The following SGCD variants were observed in gnomAD, a reference collection of about 807,000 sequenced individuals.
SGCD encodes sarcoglycan delta, also known as delta-sarcoglycan.
In SGCD, 18 loss-of-function variants were observed where a neutral mutation model predicts 36.6. That is an observed-to-expected ratio of 0.49 (90% confidence interval 0.34 to 0.73). SGCD has a LOEUF of 0.73. SGCD is among the 30% of genes least tolerant of loss of function. SGCD has a pLI of 0.01. For synonymous variants in SGCD, 133 were observed against 130.6 expected (o/e 1.02, Z -0.12); for missense variants, 387 against 346.7 (o/e 1.12, Z -0.92).
Position 156,721,645 on chromosome 5 carries a change from G to A in SGCD, c.576-35936G>A, listed in dbSNP as rs1359575122. On this transcript the variant is annotated intron_variant, in intron 7 of 8. Coordinates refer to ENST00000337851, the MANE Select transcript of SGCD (RefSeq NM_000337.6). ...ACATCTGCATGCAGATTAGAGTGAAGCAAGAGAGAAAGAAAAATTGATGAT... is the reference window on the plus strand; with the variant it reads ...ACATCTGCATGCAGATTAGAGTGAAACAAGAGAGAAAGAAAAATTGATGAT... 2.0e-5 allele frequency among the ~76,000 whole-genome samples: 3 copies of A among 152,150 alleles called. No homozygotes were observed. The East Asian group carries it at 5.8e-4, about 29-fold the overall frequency.
intron 1 of SGCD, among the ~76,000 whole-genome samples, chr5:155,924,153 A>C (rs796353438): frequency 1.4e-4 from 21 of 152,328 alleles, no homozygotes; most frequent in African/African-American, 5.1e-4. Flanking sequence ...TTGATATAGA[A>C]AGAAAACATA....
intron 3 of SGCD, among the ~76,000 whole-genome samples, chr5:156,189,300 T>A (rs570418499): frequency 2.0e-5 from 3 of 152,244 alleles, no homozygotes; most frequent in African/African-American, 7.2e-5. Context: ...GAGGAAAATC[T>A]AAAGGCAAAT....
intron 3 of SGCD, chr5:156,393,707 A>G: frequency 2.2e-6 from 1 of 456,128 alleles, no homozygotes; most frequent in Non-Finnish European, 4.4e-6. Context: ...CCATTGGTAC[A>G]TAGTTACTAA....
At chr5:155,791,960 A>G in the SGCD span, among the ~76,000 whole-genome samples, 310 of 152,302 alleles carry the variant, frequency 2.0e-3, 2 homozygotes, top group African/African-American at 7.0e-3. Flanking sequence ...AACAATCCTC[A>G]GCAATAAGAA....
chr5:156,381,304 A>G (rs1020807908), intron 3 of SGCD, among the ~76,000 whole-genome samples: 2 of 152,242 alleles, frequency 1.3e-5, no homozygotes, highest in Non-Finnish European at 2.9e-5. Flanking sequence ...CAACTCACAG[A>G]TAAAAGGAAA....
At chr5:156,133,569 C>T (rs1337118066) in intron 3 of SGCD, among the ~76,000 whole-genome samples, 1 of 152,114 alleles carries the variant, frequency 6.6e-6, no homozygotes, top group African/African-American at 2.4e-5. Context: ...CCTTAAAATG[C>T]ATGTAATGGG....
chr5:156,651,190 T>A (rs542537084), intron 7 of SGCD, among the ~76,000 whole-genome samples: 90 of 152,242 alleles, frequency 5.9e-4, no homozygotes, highest in African/African-American at 2.1e-3. Context: ...ATAACATATC[T>A]TTGTCAGATA....
In SGCD at chr5:156,763,020, G is replaced by A. The variant is rs1757525317; in HGVS notation, c.*3630G>A. 2.0e-5 allele frequency: 3 copies of A among 152,686 alleles called. No homozygotes were observed. In the South Asian group the frequency reaches 6.2e-4, roughly 32 times the overall value. 9.5% of individuals were successfully genotyped at this position (152,686 alleles called of 1,614,324 possible). On this transcript the variant is annotated 3_prime_UTR_variant, in exon 9 of 9. Coordinates refer to ENST00000337851, the MANE Select transcript of SGCD (RefSeq NM_000337.6). ...GGAAGTAATTGATCCACCTGCCAGA[G>A]AAACACAGGCTCAGAGGATGCCTGG...
chr5:156,189,583 G>T (rs1279224062), intron 3 of SGCD, among the ~76,000 whole-genome samples: 3 of 151,778 alleles, frequency 2.0e-5, no homozygotes, highest in Non-Finnish European at 4.4e-5. Context: ...GGGGACCTCG[G>T]CCAAAGGCTT....
chr5:156,361,055 CCTCTGGGGCTTCGGGGT>C (rs1487849492), intron 3 of SGCD, among the ~76,000 whole-genome samples: 2 of 152,152 alleles, frequency 1.3e-5, no homozygotes, highest in Non-Finnish European at 2.9e-5. Context: ...GCTGTAAGCC[CCTCTGGGGCTTCGGGGT>C]CATGGGCACC....
chr5:156,375,502 TG>T (rs1261663273), intron 3 of SGCD, among the ~76,000 whole-genome samples: 1 of 148,496 alleles, frequency 6.7e-6, no homozygotes, highest in African/African-American at 2.5e-5. Context: ...AATGTGAGAG[TG>T]AGAAGGATGG....
the SGCD span, among the ~76,000 whole-genome samples, chr5:155,753,874 A>T: frequency 6.6e-6 from 1 of 152,006 alleles, no homozygotes; most frequent in Admixed American, 6.5e-5. Flanking sequence ...CCAAATGTGC[A>T]TGTTTTTTGA....
chr5:156,085,220 A>G (rs140627001), intron 1 of SGCD, among the ~76,000 whole-genome samples: 83 of 152,094 alleles, frequency 5.5e-4, no homozygotes, highest in Admixed American at 1.1e-3. Context: ...TCAGGGTAAT[A>G]CTGGACTGAT....
intron 6 of SGCD, among the ~76,000 whole-genome samples, chr5:156,614,492 C>T (rs1761951003): frequency 6.6e-6 from 1 of 152,174 alleles, no homozygotes; most frequent in Admixed American, 6.5e-5. Context: ...ACTGGATGCT[C>T]CACTATTCCC....
intron 3 of SGCD, among the ~76,000 whole-genome samples, chr5:156,141,472 G>T (rs188707750): frequency 1.1e-4 from 16 of 152,360 alleles, no homozygotes; most frequent in South Asian, 1.0e-3. Flanking sequence ...GGGCCTTGAA[G>T]GCCCAACCCT....
intron 3 of SGCD, among the ~76,000 whole-genome samples, chr5:156,258,428 T>G (rs1207562860): frequency 6.6e-6 from 1 of 152,198 alleles, no homozygotes; most frequent in Non-Finnish European, 1.5e-5. Flanking sequence ...TTTAATGTAA[T>G]TGAGTAAATA....
intron 7 of SGCD, among the ~76,000 whole-genome samples, chr5:156,702,406 G>A (rs1203452673): frequency 6.6e-6 from 1 of 151,812 alleles, no homozygotes; most frequent in Non-Finnish European, 1.5e-5. Context: ...ATTCTACCTG[G>A]GCATCAAGTT....
chr5:155,844,574 C>A, the SGCD span, among the ~76,000 whole-genome samples: 1 of 151,966 alleles, frequency 6.6e-6, no homozygotes, highest in Non-Finnish European at 1.5e-5. Flanking sequence ...AAGATTAGAT[C>A]GTAAATAAAA....
intron 4 of SGCD, among the ~76,000 whole-genome samples, chr5:156,538,645 T>C (rs1038014503): frequency 6.6e-6 from 1 of 152,170 alleles, no homozygotes; most frequent in Non-Finnish European, 1.5e-5. Context: ...AAAGCCTCTC[T>C]GAGCTCTTTC....
Sources: gnomAD v4.1 joint callset for allele counts (sites outside exome capture counted in the v4.1 genomes callset) on GRCh38, gnomAD v4.1.1 for gene constraint, MANE v1.5 for transcripts, NCBI Gene and HGNC (gene_info 2026-07-23, HGNC 2026-07-21) for gene names.